Variants in RFX3 observed in about 807,000 individuals in gnomAD.
The protein encoded by RFX3 is transcription factor RFX3.
Under a neutral mutation model 98.6 loss-of-function variants are expected in RFX3, and 14 were observed. The ratio of observed to expected loss-of-function variants is 0.14; its 90% CI spans 0.09 to 0.22. The LOEUF (loss-of-function observed/expected upper bound fraction) is 0.22, where lower values mean the gene tolerates loss of function less well. Among genes scored for constraint, RFX3 ranks in the 10% least tolerant of loss-of-function variants. The probability of loss-of-function intolerance (pLI) is 1.00; values close to 1 mark genes in which losing one functional copy is unlikely to be tolerated. For missense variants in RFX3, 639 were observed against 926.9 expected (o/e 0.69, Z 4.03); for synonymous variants, 383 against 328.4 (o/e 1.17, Z -1.80).
chr9:3,470,574 G>A (rs535063388), intron 1 of RFX3, among the ~76,000 whole-genome samples: 4 of 151,446 alleles, frequency 2.6e-5, no homozygotes, highest in Admixed American at 1.3e-4. Context: ...TGATCCGCCC[G>A]CCTCGGCCTC....
intron 1 of RFX3, among the ~76,000 whole-genome samples, chr9:3,424,596 G>A (rs749588502): frequency 1.3e-4 from 19 of 151,772 alleles, no homozygotes; most frequent in Admixed American, 3.3e-4. Context: ...TCCTGACCTC[G>A]TGCTCCGCCC....
intron 7 of RFX3, among the ~76,000 whole-genome samples, chr9:3,279,086 T>C (rs939503045): frequency 1.3e-5 from 2 of 151,890 alleles, no homozygotes; most frequent in African/African-American, 4.8e-5. Context: ...TGATTTTTTT[T>C]TCCTCCTTAA....
intron 2 of RFX3, among the ~76,000 whole-genome samples, chr9:3,368,563 A>G (rs1307922282): frequency 6.6e-6 from 1 of 152,220 alleles, no homozygotes; most frequent in East Asian, 1.9e-4. Context: ...TACCAATAAG[A>G]TAGACAGGGA....
intron 5 of RFX3, among the ~76,000 whole-genome samples, chr9:3,294,717 A>G (rs1432850047): frequency 6.6e-6 from 1 of 152,146 alleles, no homozygotes; most frequent in Non-Finnish European, 1.5e-5. Flanking sequence ...TGTTTATGTA[A>G]TTAAACTTAT....
At chr9:3,404,532 C>A (rs1421048825) in intron 1 of RFX3, among the ~76,000 whole-genome samples, 2 of 152,066 alleles carry the variant, frequency 1.3e-5, no homozygotes, top group Non-Finnish European at 2.9e-5. Flanking sequence ...GAAGCATTTT[C>A]TTGCCTCCAG....
intron 1 of RFX3, among the ~76,000 whole-genome samples, chr9:3,484,119 G>C (rs1452631257): frequency 6.6e-6 from 1 of 152,150 alleles, no homozygotes; most frequent in East Asian, 1.9e-4. Flanking sequence ...CCTTTACATA[G>C]CTTCATCTCA....
At chr9:3,297,743 A>G (rs1828165320) in intron 5 of RFX3, among the ~76,000 whole-genome samples, 1 of 152,020 alleles carries the variant, frequency 6.6e-6, no homozygotes, top group African/African-American at 2.4e-5. Flanking sequence ...TAAAACCAGC[A>G]AACAACAGGA....
At chr9:3,450,628 C>T (rs147718796) in intron 1 of RFX3, among the ~76,000 whole-genome samples, 1 of 152,124 alleles carries the variant, frequency 6.6e-6, no homozygotes, top group South Asian at 2.1e-4. Context: ...AGTTTAAAGT[C>T]TTTCCAATAT....
intron 14 of RFX3, among the ~76,000 whole-genome samples, chr9:3,255,022 A>G (rs1821926003): frequency 6.6e-6 from 1 of 152,158 alleles, no homozygotes; most frequent in South Asian, 2.1e-4. Context: ...AAAACAAAAC[A>G]ACAGCAAAAA....
At chr9:3,465,362 C>T (rs939306799) in intron 1 of RFX3, among the ~76,000 whole-genome samples, 1 of 152,048 alleles carries the variant, frequency 6.6e-6, no homozygotes, top group Non-Finnish European at 1.5e-5. Flanking sequence ...ATGATCTCAG[C>T]TCACCACAAC....
At chr9:3,366,696 T>TTCTTTCTTTCTTTCTTTC in intron 2 of RFX3, among the ~76,000 whole-genome samples, 1 of 72,766 alleles carries the variant, frequency 1.4e-5, no homozygotes, top group Middle Eastern at 4.7e-3. Flanking sequence ...TTTCTTTCCT[T>TTCTTTCTTTCTTTCTTTC]TCTTTCTTTC....
At position 3,399,943 on chromosome 9, in the gene RFX3, C is replaced by T. The variant is rs571868638; in HGVS notation, c.-8-4347G>A. Among the ~76,000 whole-genome samples, 71 of 145,956 alleles carry T rather than the reference C, an allele frequency of 4.9e-4. 1 individual carries two copies. The highest frequency in any genetic ancestry group is 2.0e-3 in the South Asian group (9 of 4,604). The stretch of plus-strand genomic sequence containing the variant: ...CAGCCTGGATGACAGAGCAAGACTC[C>T]GTCTCAAAAAAAAAAAAAAGAAAAT... On this transcript the variant is annotated intron_variant, in intron 1 of 16. Coordinates refer to ENST00000617270, the MANE Select transcript of RFX3 (RefSeq NM_001282116.2).
chr9:3,291,365 C>A (rs1420841137), intron 6 of RFX3, among the ~76,000 whole-genome samples: 3 of 150,740 alleles, frequency 2.0e-5, no homozygotes, highest in East Asian at 2.0e-4. Context: ...GAGCGAGAAT[C>A]CTTCTCAAAA....
At chr9:3,388,758 A>T (rs1157859098) in intron 2 of RFX3, among the ~76,000 whole-genome samples, 1 of 152,166 alleles carries the variant, frequency 6.6e-6, no homozygotes, top group African/African-American at 2.4e-5. Flanking sequence ...TCATAAAAAA[A>T]TTTCAGCAAA....
intron 4 of RFX3, among the ~76,000 whole-genome samples, chr9:3,304,192 G>A (rs80008245): frequency 0.014 from 2,173 of 151,978 alleles, 49 homozygotes; most frequent in African/African-American, 0.05. Context: ...CCACCTCACT[G>A]ATAAGAACTT....
chr9:3,464,317 A>G (rs1175985190), intron 1 of RFX3, among the ~76,000 whole-genome samples: 3 of 152,192 alleles, frequency 2.0e-5, no homozygotes, highest in Non-Finnish European at 2.9e-5. Context: ...GTCCATAAAA[A>G]CACTTATATT....
intron 1 of RFX3, among the ~76,000 whole-genome samples, chr9:3,493,708 T>A (rs866786080): frequency 2.4e-4 from 34 of 139,516 alleles, no homozygotes; most frequent in African/African-American, 3.5e-4. Context: ...AAAATATATA[T>A]ATATATATAT....
intron 1 of RFX3, among the ~76,000 whole-genome samples, chr9:3,412,193 T>A (rs1334683140): frequency 6.6e-6 from 1 of 152,148 alleles, no homozygotes; most frequent in Non-Finnish European, 1.5e-5. Flanking sequence ...ATAAGACCAC[T>A]AAAGGTCAAC....
chr9:3,304,889 A>T (rs764598254), intron 4 of RFX3, among the ~76,000 whole-genome samples: 1 of 152,110 alleles, frequency 6.6e-6, no homozygotes, highest in African/African-American at 2.4e-5. Flanking sequence ...TAGTTCAGAA[A>T]GGTGGAAGAA....
Sources: gnomAD v4.1 joint callset for allele counts (sites outside exome capture counted in the v4.1 genomes callset) on GRCh38, gnomAD v4.1.1 for gene constraint, MANE v1.5 for transcripts, NCBI Gene and HGNC (gene_info 2026-07-23, HGNC 2026-07-21) for gene names.